Variants in RCAN2 observed in about 807,000 individuals in gnomAD.
RCAN2 encodes the protein regulator of calcineurin 2.
Under a neutral mutation model 23.6 loss-of-function variants are expected in RCAN2, and 9 were observed. The ratio of observed to expected loss-of-function variants is 0.38; its 90% CI spans 0.23 to 0.67. The LOEUF (loss-of-function observed/expected upper bound fraction) is 0.67, where lower values mean the gene tolerates loss of function less well. Among genes scored for constraint, RCAN2 ranks in the 30% least tolerant of loss-of-function variants. The probability of loss-of-function intolerance (pLI) is 0.51; values close to 1 mark genes in which losing one functional copy is unlikely to be tolerated. For synonymous variants in RCAN2, 109 were observed against 115.7 expected (o/e 0.94, Z 0.37); for missense variants, 273 against 302.3 (o/e 0.90, Z 0.72).
At chr6:46,411,664 C>T (rs923852775) in intron 2 of RCAN2, among the ~76,000 whole-genome samples, 2 of 151,096 alleles carry the variant, frequency 1.3e-5, no homozygotes, top group South Asian at 2.1e-4. Context: ...AAGTAGAGAA[C>T]GAAAAAAAGA....
intron 2 of RCAN2, among the ~76,000 whole-genome samples, chr6:46,291,234 G>T (rs1762551050): frequency 6.6e-6 from 1 of 151,032 alleles, no homozygotes; most frequent in Non-Finnish European, 1.5e-5. Context: ...GGGAAAAAAA[G>T]CTGAATCCAG....
chr6:46,312,980 C>G (rs564778350), intron 2 of RCAN2, among the ~76,000 whole-genome samples: 6 of 152,326 alleles, frequency 3.9e-5, no homozygotes, highest in African/African-American at 1.4e-4. Context: ...TCCTGTTAGA[C>G]TTGCACATAA....
chr6:46,418,356 C>T (rs953971809), intron 2 of RCAN2, among the ~76,000 whole-genome samples: 6 of 152,148 alleles, frequency 3.9e-5, no homozygotes, highest in Admixed American at 3.3e-4. Context: ...CCACTTCATT[C>T]AGCCCTCTAA....
intron 2 of RCAN2, among the ~76,000 whole-genome samples, chr6:46,402,368 C>T (rs1766272194): frequency 6.6e-6 from 1 of 152,180 alleles, no homozygotes; most frequent in African/African-American, 2.4e-5. Context: ...CAGGAGCCTC[C>T]TCTACCCTCC....
chr6:46,382,046 G>T (rs755953473), intron 2 of RCAN2, among the ~76,000 whole-genome samples: 3 of 152,110 alleles, frequency 2.0e-5, no homozygotes, highest in Non-Finnish European at 4.4e-5. Flanking sequence ...TCCTTTTCAT[G>T]ATTTCCAATT....
intron 2 of RCAN2, among the ~76,000 whole-genome samples, chr6:46,440,447 G>T (rs1172048099): frequency 2.6e-5 from 4 of 151,178 alleles, no homozygotes; most frequent in African/African-American, 4.9e-5. Context: ...TATTAACTTA[G>T]GTGATTTTTT....
At chr6:46,279,466 G>T (rs1767828632) in intron 2 of RCAN2, among the ~76,000 whole-genome samples, 1 of 152,140 alleles carries the variant, frequency 6.6e-6, no homozygotes, top group South Asian at 2.1e-4. Context: ...GAGAGCCCTG[G>T]CCTCTATCCA....
chr6:46,441,163 T>C (rs946904684), intron 2 of RCAN2, among the ~76,000 whole-genome samples: 1 of 152,276 alleles, frequency 6.6e-6, no homozygotes, highest in African/African-American at 2.4e-5. Flanking sequence ...GAAGGTCTAG[T>C]ATTATGCTGC....
intron 2 of RCAN2, among the ~76,000 whole-genome samples, chr6:46,376,228 A>G (rs911763342): frequency 2.6e-5 from 4 of 152,134 alleles, no homozygotes; most frequent in Admixed American, 6.5e-5. Context: ...GCCCTCCCCA[A>G]CTTCTGCTAT....
chr6:46,458,498 T>C (rs1011593049), intron 1 of RCAN2, among the ~76,000 whole-genome samples: 5 of 152,240 alleles, frequency 3.3e-5, no homozygotes, highest in African/African-American at 1.2e-4. Flanking sequence ...AGTAAAAATT[T>C]CTATATAAAA....
intron 2 of RCAN2, among the ~76,000 whole-genome samples, chr6:46,290,375 G>C (rs983811407): frequency 3.9e-5 from 6 of 152,174 alleles, no homozygotes; most frequent in African/African-American, 1.4e-4. Context: ...ACAGGGATGA[G>C]ATATTAAATG....
chr6:46,420,232 G>A (rs923561064), intron 2 of RCAN2, among the ~76,000 whole-genome samples: 2 of 151,290 alleles, frequency 1.3e-5, no homozygotes, highest in South Asian at 2.1e-4. Flanking sequence ...AGTTATCATC[G>A]TATCACTAAA....
At chr6:46,371,850 C>T (rs569065623) in intron 2 of RCAN2, among the ~76,000 whole-genome samples, 10 of 152,282 alleles carry the variant, frequency 6.6e-5, no homozygotes, top group Admixed American at 2.6e-4. Flanking sequence ...AGTACAGTTG[C>T]CATGTTTAAA....
chr6:46,307,197 A>G (rs1763099578), intron 2 of RCAN2, among the ~76,000 whole-genome samples: 1 of 152,180 alleles, frequency 6.6e-6, no homozygotes, highest in East Asian at 1.9e-4. Flanking sequence ...GGAAACAAAC[A>G]TGAAGAAGAC....
intron 4 of RCAN2, among the ~76,000 whole-genome samples, chr6:46,223,582 G>T (rs1765553133): frequency 6.6e-6 from 1 of 152,186 alleles, no homozygotes; most frequent in Non-Finnish European, 1.5e-5. Flanking sequence ...CTTCCACTCT[G>T]TAGGATGGTG....
intron 2 of RCAN2, among the ~76,000 whole-genome samples, chr6:46,377,060 A>T (rs1177990664): frequency 1.3e-5 from 2 of 152,226 alleles, no homozygotes; most frequent in East Asian, 3.8e-4. Flanking sequence ...GAGGAAAAAA[A>T]GGCACTTAAA....
At position 46,294,147 on chromosome 6, in the gene RCAN2, CTAA is replaced by C. The variant is rs1420913799; in HGVS notation, c.226-45254_226-45252del. ...CAGAATGACTACTCTGTCATACAAA[CTAA>C]TAATAACAGAATAACCGAAACCTTA... On this transcript the variant is annotated intron_variant, in intron 2 of 4. Coordinates refer to ENST00000371374, the MANE Select transcript of RCAN2 (RefSeq NM_001251974.2). Among the ~76,000 whole-genome samples, 29 of 152,212 alleles carry C rather than the reference CTAA, an allele frequency of 1.9e-4. 1 individual carries two copies. The highest frequency in any genetic ancestry group is 1.8e-3 in the Admixed American group (28 of 15,278).
chr6:46,390,234 G>A (rs1056605367), intron 2 of RCAN2, among the ~76,000 whole-genome samples: 10 of 152,142 alleles, frequency 6.6e-5, no homozygotes, highest in African/African-American at 2.4e-4. Context: ...TTGGGCTGGG[G>A]GAAGAAGATA....
intron 4 of RCAN2, among the ~76,000 whole-genome samples, chr6:46,233,662 C>G: frequency 6.6e-6 from 1 of 152,052 alleles, no homozygotes; most frequent in East Asian, 1.9e-4. Flanking sequence ...ATAAAATACA[C>G]CTAACAAAGC....
Sources: allele counts gnomAD v4.1 joint callset (sites outside exome capture counted in the v4.1 genomes callset), GRCh38; gene constraint gnomAD v4.1.1; transcripts MANE v1.5; gene names NCBI Gene and HGNC (gene_info 2026-07-23, HGNC 2026-07-21).